Variants in AFF2 observed in about 807,000 individuals in gnomAD.
The protein encoded by AFF2 is AF4/FMR2 family member 2.
In AFF2, 14 loss-of-function variants were observed where a neutral mutation model predicts 76.9. The observed-to-expected ratio is 0.18, with a 90% CI of 0.12 to 0.28. The LOEUF (loss-of-function observed/expected upper bound fraction) is 0.28. Among genes scored for constraint, AFF2 ranks in the 10% least tolerant of loss-of-function variants. The probability of loss-of-function intolerance (pLI) is 1.00; values close to 1 mark genes in which losing one functional copy is unlikely to be tolerated. For synonymous variants in AFF2, 398 were observed against 366.7 expected (o/e 1.09, Z -0.98); for missense variants, 868 against 1,001.1 (o/e 0.87, Z 1.79).
chrX:148,546,193 A>G (rs2052918866), intron 1 of AFF2, among the ~76,000 whole-genome samples: 3 of 111,678 alleles, frequency 2.7e-5, no homozygotes, highest in Non-Finnish European at 5.6e-5. Context: ...TTTCTTCCCT[A>G]CAGATTTTAA....
intron 7 of AFF2, among the ~76,000 whole-genome samples, chrX:148,853,093 CCT>C (rs1391085086): frequency 1.8e-5 from 2 of 110,978 alleles, no homozygotes; most frequent in African/African-American, 6.6e-5. Flanking sequence ...TTTTTAATAC[CCT>C]GTTTGCCTCA....
At chrX:148,770,012 A>G (rs1179529991) in intron 3 of AFF2, among the ~76,000 whole-genome samples, 2 of 111,785 alleles carry the variant, frequency 1.8e-5, no homozygotes, top group African/African-American at 6.5e-5. Context: ...CAGATTATTC[A>G]GTCTTCCATC....
chrX:148,868,135 C>G (rs2070929973), intron 7 of AFF2, among the ~76,000 whole-genome samples: 2 of 111,641 alleles, frequency 1.8e-5, no homozygotes, highest in Non-Finnish European at 3.8e-5. Flanking sequence ...ACCATGGATG[C>G]CTGGTATCCC....
chrX:148,854,746 A>G (rs782567941), intron 7 of AFF2, among the ~76,000 whole-genome samples: 6 of 111,694 alleles, frequency 5.4e-5, no homozygotes. Context: ...CATGAGGGTG[A>G]GTGGCACTTG....
At chrX:148,735,254 A>G (rs1293618579) in intron 3 of AFF2, among the ~76,000 whole-genome samples, 2 of 112,512 alleles carry the variant, frequency 1.8e-5, no homozygotes, top group Non-Finnish European at 3.8e-5. Context: ...GTTCTCTTTG[A>G]GAGTCTGTGT....
At chrX:148,830,578 G>A (rs1365530160) in intron 4 of AFF2, among the ~76,000 whole-genome samples, 2 of 111,852 alleles carry the variant, frequency 1.8e-5, no homozygotes, top group Non-Finnish European at 3.8e-5. Context: ...GACATCACAT[G>A]TCGGCAGGTT....
At chrX:148,761,867 T>C (rs2069447358) in intron 3 of AFF2, among the ~76,000 whole-genome samples, 1 of 110,325 alleles carries the variant, frequency 9.1e-6, no homozygotes, top group South Asian at 3.8e-4. Context: ...TCCCTGCAAG[T>C]GTAGACTTTG....
intron 3 of AFF2, among the ~76,000 whole-genome samples, chrX:148,741,808 A>G (rs1180450499): frequency 9.0e-6 from 1 of 111,569 alleles, no homozygotes; most frequent in Non-Finnish European, 1.9e-5. Flanking sequence ...GCGAGCTCTC[A>G]GGACCTTTCT....
intron 1 of AFF2, among the ~76,000 whole-genome samples, chrX:148,577,455 G>T (rs1557243669): frequency 2.7e-5 from 3 of 112,236 alleles, no homozygotes; most frequent in African/African-American, 9.7e-5. Flanking sequence ...TATTTGCTCA[G>T]TTTTATTCCA....
At chrX:148,808,220 G>T (rs781930631) in intron 3 of AFF2, among the ~76,000 whole-genome samples, 97 of 111,767 alleles carry the variant, frequency 8.7e-4, no homozygotes, top group Non-Finnish European at 1.6e-3. Context: ...GCTTATAGTT[G>T]TGCATTAACT....
intron 1 of AFF2, among the ~76,000 whole-genome samples, chrX:148,552,347 A>G (rs1293292577): frequency 8.9e-6 from 1 of 111,754 alleles, no homozygotes; most frequent in Admixed American, 9.5e-5. Context: ...AGTGTGTGTC[A>G]ACTCTGACTT....
intron 9 of AFF2, among the ~76,000 whole-genome samples, chrX:148,931,713 T>C (rs1364197639): frequency 9.0e-6 from 1 of 111,542 alleles, no homozygotes; most frequent in Non-Finnish European, 1.9e-5. Flanking sequence ...AGGAGTGGGG[T>C]TCTCTTTCTG....
chrX:148,923,798 T>C (rs2071621731), intron 9 of AFF2, among the ~76,000 whole-genome samples: 1 of 111,991 alleles, frequency 8.9e-6, no homozygotes, highest in African/African-American at 3.2e-5. Flanking sequence ...ATATTCCCTC[T>C]TGCAGGATCA....
At chrX:148,599,700 A>T (rs1167291636) in intron 1 of AFF2, among the ~76,000 whole-genome samples, 1 of 111,628 alleles carries the variant, frequency 9.0e-6, no homozygotes, top group Non-Finnish European at 1.9e-5. Context: ...TAGCATAGGT[A>T]CGAATTGTAA....
At chrX:148,536,978 A>G (rs1557236657) in intron 1 of AFF2, among the ~76,000 whole-genome samples, 1 of 112,547 alleles carries the variant, frequency 8.9e-6, no homozygotes, top group Non-Finnish European at 1.9e-5. Context: ...GTTGTAAACA[A>G]TTTATTGGTA....
chrX:148,783,754 T>C (rs1557269270), intron 3 of AFF2, among the ~76,000 whole-genome samples: 1 of 111,564 alleles, frequency 9.0e-6, no homozygotes, highest in African/African-American at 3.3e-5. Context: ...GACCCATAGG[T>C]GGCTTTTTCT....
rs782309490 is a variant in AFF2, at chrX:148,691,251, GT to G, written c.1041+28485del. 2.8e-4 allele frequency among the ~76,000 whole-genome samples: 31 copies of G among 112,227 alleles called. No homozygotes were observed. The East Asian group carries it at 7.9e-3, about 29-fold the overall frequency. ...AATGCCTAGAACAGTGGTAGTGTGG[GT>G]TGTTAATTCATAAACTGACAACAAC... is the stretch of plus-strand genomic sequence containing the variant. On this transcript the variant is annotated intron_variant, in intron 3 of 20. Transcript: ENST00000370460.
At chrX:148,915,265 A>G (rs1557282434) in intron 9 of AFF2, among the ~76,000 whole-genome samples, 1 of 112,676 alleles carries the variant, frequency 8.9e-6, no homozygotes, top group African/African-American at 3.2e-5. Flanking sequence ...ATTATAATCC[A>G]GTTTTTATAT....
intron 1 of AFF2, among the ~76,000 whole-genome samples, chrX:148,638,215 T>C (rs1411011918): frequency 8.9e-6 from 1 of 111,977 alleles, no homozygotes; most frequent in African/African-American, 3.3e-5. Context: ...CACACTGCTA[T>C]AAAGACATTA....
Sources: allele counts gnomAD v4.1 joint callset (sites outside exome capture counted in the v4.1 genomes callset), GRCh38; gene constraint gnomAD v4.1.1; transcripts MANE v1.5; gene names NCBI Gene and HGNC (gene_info 2026-07-23, HGNC 2026-07-21).